The following SLC25A30 variants were observed in gnomAD, a reference collection of about 807,000 sequenced individuals.
SLC25A30 encodes kidney mitochondrial carrier protein 1.
SLC25A30 carries 29 observed loss-of-function variants against 42.7 expected under a neutral mutation model. The ratio of observed to expected loss-of-function variants is 0.68; its 90% confidence interval spans 0.51 to 0.93. The LOEUF is 0.93. Ranked by LOEUF, SLC25A30 falls within the 40% of genes least tolerant of loss-of-function variation. The pLI is 0.00. For missense variants in SLC25A30, 300 were observed against 359.7 expected (o/e 0.83, Z 1.34); for synonymous variants, 124 against 131.0 (o/e 0.95, Z 0.37).
intron 1 of SLC25A30, among the ~76,000 whole-genome samples, chr13:45,412,667 T>C (rs1883138013): frequency 2.6e-5 from 4 of 152,228 alleles, no homozygotes; most frequent in Admixed American, 2.0e-4. Flanking sequence ...TGTAGGCCTA[T>C]TGTGGGCATT....
chr13:45,409,408 C>T (rs1882807915), intron 2 of SLC25A30, among the ~76,000 whole-genome samples: 1 of 152,126 alleles, frequency 6.6e-6, no homozygotes, highest in Non-Finnish European at 1.5e-5. Context: ...ACATAAGTTA[C>T]TATTCTGTAT....
chr13:45,416,735 C>T (rs916310422), intron 1 of SLC25A30, among the ~76,000 whole-genome samples: 3 of 152,200 alleles, frequency 2.0e-5, no homozygotes, highest in Admixed American at 6.5e-5. Context: ...CATGACACTG[C>T]ACTCTAGCAG....
chr13:45,401,277 A>C, intron 6 of SLC25A30, 70 bp from the exon 7 acceptor site: 1 of 1,507,898 alleles, frequency 6.6e-7, no homozygotes, highest in Admixed American at 1.7e-5. Context: ...CAAATGTGCA[A>C]AGGTTCTAAT....
chr13:45,424,806 A>AT, the SLC25A30 span, among the ~76,000 whole-genome samples: 1 of 64,592 alleles, frequency 1.5e-5, no homozygotes, highest in African/African-American at 6.0e-5. Flanking sequence ...ATAAATATAT[A>AT]AAAAAATATA....
chr13:45,425,439 T>C, the SLC25A30 span, among the ~76,000 whole-genome samples: 1 of 110,666 alleles, frequency 9.0e-6, no homozygotes. Flanking sequence ...AATATATGTA[T>C]ATATAAATAT....
At position 45,401,190 on chromosome 13, in the gene SLC25A30, C is replaced by A. The variant is rs558795200; in HGVS notation, c.507G>T (p.Ala169=). The change falls in exon 7 of 10, where the codon GCG becomes GCT. Residue 169 remains alanine (A), a synonymous_variant. Transcript: ENST00000519676. ...RGLWKGVSLT[A]QRAAIVVGVE... ...CACCAACAACAATAGCAGCCCTCTGCGCAGTAAGGGACACACCCTGGGTAA... is the reference window on the plus strand; with the variant it reads ...CACCAACAACAATAGCAGCCCTCTGAGCAGTAAGGGACACACCCTGGGTAA... The A allele has an allele frequency of 3.8e-5, 61 of 1,613,868 alleles. 1 individual carries two copies. In the South Asian group the frequency reaches 6.5e-4, roughly 17 times the overall value.
the SLC25A30 span, among the ~76,000 whole-genome samples, chr13:45,424,948 A>T: frequency 1.4e-5 from 1 of 73,332 alleles, no homozygotes; most frequent in Non-Finnish European, 2.3e-5. Context: ...TTAAATAAAT[A>T]TATAAATAAA....
Position 45,395,307 on chromosome 13 carries a change from C to T in SLC25A30, c.*667G>A. 1 of 986,294 alleles carries T rather than the reference C, an allele frequency of 1.0e-6. No individual in the cohort carries two copies. Among genetic ancestry groups the T allele is most frequent in the Non-Finnish European group, 1.2e-6 (1 of 830,512 alleles). The allele number at this position is 986,294 out of a possible 1,614,324, so 61.1% of individuals were successfully genotyped here. A position where few individuals can be genotyped will look rare whatever the true frequency, so the allele number is the denominator to read the frequency against. On this transcript the variant is annotated 3_prime_UTR_variant, in exon 10 of 10. Coordinates refer to ENST00000519676, the MANE Select transcript of SLC25A30 (RefSeq NM_001010875.4). ...GACCTTGCAACCTTCAAAGCCAACA[C>T]ATAACACCACCACGAATTTAGAGAT...
the SLC25A30 span, among the ~76,000 whole-genome samples, chr13:45,427,420 T>C: frequency 1.3e-5 from 2 of 152,144 alleles, no homozygotes; most frequent in East Asian, 1.9e-4. Flanking sequence ...GGATAGACTT[T>C]TGTCACAAAC....
At position 45,395,340 on chromosome 13, in the gene SLC25A30, T is replaced by G; in HGVS notation, c.*634A>C. On this transcript the variant is annotated 3_prime_UTR_variant, in exon 10 of 10. Transcript: ENST00000519676. ...CACCACGAATTTAGAGATTATTACT[T>G]TGTAACAATTTCTCACAAATGTCAA... 1.0e-6 allele frequency: 1 copy of G among 986,582 alleles called. No homozygotes were observed. Among genetic ancestry groups the G allele is most frequent in the Non-Finnish European group, 1.2e-6 (1 of 830,682 alleles). 61.1% of individuals were successfully genotyped at this position (986,582 alleles called of 1,614,324 possible). A position where few individuals can be genotyped will look rare whatever the true frequency, so the allele number is the denominator to read the frequency against.
chr13:45,423,783 T>TATAAATATATATAAATATATAA, the SLC25A30 span, among the ~76,000 whole-genome samples: 1 of 75,864 alleles, frequency 1.3e-5, no homozygotes, highest in Non-Finnish European at 2.2e-5. Context: ...TATAAATATA[T>TATAAATATATATAAATATATAA]AAATATATAA....
chr13:45,424,806 A>T, the SLC25A30 span, among the ~76,000 whole-genome samples: 2 of 64,592 alleles, frequency 3.1e-5, 1 homozygote, highest in Non-Finnish European at 5.6e-5. Flanking sequence ...ATAAATATAT[A>T]AAAAAATATA....
chr13:45,396,417 G>A, intron 9 of SLC25A30: 1 of 917,104 alleles, frequency 1.1e-6, no homozygotes, highest in Non-Finnish European at 1.3e-6. Context: ...AGGAGCTGAT[G>A]AAGAGCAACA....
At chr13:45,400,485 G>A (rs2137637180) in intron 7 of SLC25A30, among the ~76,000 whole-genome samples, 1 of 152,234 alleles carries the variant, frequency 6.6e-6, no homozygotes, top group African/African-American at 2.4e-5. Context: ...AAGATATTTG[G>A]AATATGTTGT....
the SLC25A30 span, among the ~76,000 whole-genome samples, chr13:45,424,016 TC>T: frequency 1.5e-5 from 1 of 64,626 alleles, no homozygotes; most frequent in African/African-American, 5.9e-5. Flanking sequence ...TATATATAAA[TC>T]TGTAAAAATA....
At position 45,393,555 on chromosome 13, in the gene SLC25A30, CAA is replaced by C; in HGVS notation, c.*2417_*2418del. On this transcript the variant is annotated 3_prime_UTR_variant, in exon 10 of 10. Coordinates refer to ENST00000519676, the MANE Select transcript of SLC25A30 (RefSeq NM_001010875.4). Reference sequence around the variant, plus strand: ...TTACACAAATCCATAAGCACACAAACAAAAAAACCCATTGGTTATAAAAACTA... The same window carrying C: ...TTACACAAATCCATAAGCACACAAACAAAAACCCATTGGTTATAAAAACTA... 3 of 985,174 alleles carry C rather than the reference CAA, an allele frequency of 3.0e-6. No homozygotes were observed. The highest frequency in any genetic ancestry group is 3.6e-6 in the Non-Finnish European group (3 of 829,842). The allele number at this position is 985,174 out of a possible 1,614,324, so 61.0% of individuals were successfully genotyped here.
chr13:45,425,145 TAA>T, the SLC25A30 span, among the ~76,000 whole-genome samples: 1 of 89,926 alleles, frequency 1.1e-5, no homozygotes, highest in African/African-American at 4.5e-5. Flanking sequence ...TAAATATATA[TAA>T]ATATATTGAT....
At chr13:45,410,401 G>C (rs1477582376) in intron 2 of SLC25A30, among the ~76,000 whole-genome samples, 2 of 152,214 alleles carry the variant, frequency 1.3e-5, no homozygotes, top group African/African-American at 2.4e-5. Flanking sequence ...TTGAGGCTGA[G>C]CATGGTAATA....
intron 8 of SLC25A30, chr13:45,397,919 GT>G (rs1261718908): frequency 1.0e-6 from 1 of 985,422 alleles, no homozygotes; most frequent in Non-Finnish European, 1.2e-6. Context: ...TCCAATTACG[GT>G]CTGTTGCTTC....
Sources: gnomAD v4.1 joint callset for allele counts (sites outside exome capture counted in the v4.1 genomes callset) on GRCh38, gnomAD v4.1.1 for gene constraint, MANE v1.5 for transcripts, NCBI Gene and HGNC (gene_info 2026-07-23, HGNC 2026-07-21) for gene names.